AGO2: variants seen among roughly 807,000 people sequenced by gnomAD.
The protein encoded by AGO2 is argonaute RISC catalytic component 2.
AGO2 carries 5 observed loss-of-function variants against 102.3 expected under a neutral mutation model. The ratio of observed to expected loss-of-function variants is 0.05; its 90% confidence interval spans 0.03 to 0.10. AGO2 has a LOEUF of 0.10. AGO2 is among the 10% of genes least tolerant of loss of function. The pLI, the probability that AGO2 is intolerant of heterozygous loss-of-function variation, is 1.00. For missense variants in AGO2, 541 were observed against 1,183.7 expected (o/e 0.46, Z 7.97); for synonymous variants, 449 against 473.1 (o/e 0.95, Z 0.66).
intron 2 of AGO2, among the ~76,000 whole-genome samples, chr8:140,580,023 G>A (rs1466767052): frequency 6.6e-6 from 1 of 152,236 alleles, no homozygotes; most frequent in East Asian, 1.9e-4. Flanking sequence ...CCTCCTCGCA[G>A]CCCACCCGTG....
intron 2 of AGO2, among the ~76,000 whole-genome samples, chr8:140,575,230 A>G (rs1372484109): frequency 1.3e-5 from 2 of 151,378 alleles, no homozygotes; most frequent in Non-Finnish European, 2.9e-5. Flanking sequence ...GCCACGGCAC[A>G]ATCTCCCCTG....
At position 140,559,244 on chromosome 8, in the gene AGO2, C is replaced by G. The variant is rs1031069060; in HGVS notation, c.790+151G>C. The G allele has an allele frequency of 9.5e-6, 9 of 948,534 alleles. No homozygotes were observed. The South Asian group carries it at 1.3e-4, about 14-fold the overall frequency. The allele number at this position is 948,534 out of a possible 1,614,324, so 58.8% of individuals were successfully genotyped here. ...CCCGCTCTGGGAAATGGATCTAACT[C>G]ATCTCCATGCTACCTCATCTGATGG... On this transcript the variant is annotated intron_variant, in intron 6 of 18. Coordinates refer to ENST00000220592, the MANE Select transcript of AGO2 (RefSeq NM_012154.5).
At position 140,567,979 on chromosome 8, in the gene AGO2, G is replaced by A. The variant is rs1350871874; in HGVS notation, c.336+4833C>T. Among the ~76,000 whole-genome samples the A allele has an allele frequency of 6.6e-6, 1 of 151,920 alleles. No homozygotes were observed. Among genetic ancestry groups the A allele is most frequent in the Non-Finnish European group, 1.5e-5 (1 of 67,972 alleles). ...TGTCCCTACAAAAAGAAAATTAGTG[G>A]CGGGGCACAGTGGCTCACACCTGTA... On this transcript the variant is annotated intron_variant, in intron 3 of 18. Coordinates refer to ENST00000220592, the MANE Select transcript of AGO2 (RefSeq NM_012154.5). This position sits in a 1 kb window ranked among gnomAD's most constrained non-coding sequence, Gnocchi z 5.0.
intron 16 of AGO2, among the ~76,000 whole-genome samples, chr8:140,537,539 C>T (rs143173583): frequency 2.6e-5 from 4 of 152,230 alleles, no homozygotes; most frequent in Admixed American, 6.5e-5. Flanking sequence ...TGGACTAATA[C>T]GATCCACCTA....
chr8:140,564,285 G>T (rs759972576), intron 3 of AGO2, among the ~76,000 whole-genome samples: 2 of 152,026 alleles, frequency 1.3e-5, no homozygotes, highest in African/African-American at 4.8e-5. Context: ...TCAGGACAGC[G>T]GAGGGGGTGG....
chr8:140,601,883 G>A (rs927646962), intron 1 of AGO2, among the ~76,000 whole-genome samples: 4 of 152,136 alleles, frequency 2.6e-5, no homozygotes, highest in Admixed American at 1.3e-4. Context: ...GCAGGTCAGC[G>A]GCGGGCCAGC....
chr8:140,526,648 C>A lies in AGO2; in HGVS notation c.*5396G>T, dbSNP rs1181590010. 1.3e-5 allele frequency: 2 copies of A among 152,126 alleles called. No individual in the cohort carries two copies. Among genetic ancestry groups the A allele is most frequent in the African/African-American group, 2.4e-5 (1 of 41,406 alleles). 9.4% of individuals were successfully genotyped at this position (152,126 alleles called of 1,614,324 possible). On this transcript the variant is annotated 3_prime_UTR_variant, in exon 19 of 19. Transcript: ENST00000220592. This position sits in a 1 kb window ranked among gnomAD's most constrained non-coding sequence, Gnocchi z 5.2. Reference sequence around the variant, plus strand: ...GAATCTATTGAGAATTCAGAGGTAGCCTTTATCTGCATTTTTTTTTAAACT... The same window carrying A: ...GAATCTATTGAGAATTCAGAGGTAGACTTTATCTGCATTTTTTTTTAAACT...
chr8:140,545,904 T>TCATTCCCCAG (rs1441100801), intron 13 of AGO2, among the ~76,000 whole-genome samples: 1 of 152,162 alleles, frequency 6.6e-6, no homozygotes, highest in Admixed American at 6.5e-5. Context: ...GAGGGAGCCT[T>TCATTCCCCAG]CATTCCCCAG....
intron 17 of AGO2, among the ~76,000 whole-genome samples, chr8:140,533,172 A>G (rs976484196): frequency 4.1e-4 from 60 of 146,106 alleles, no homozygotes; most frequent in Non-Finnish European, 7.6e-4. Flanking sequence ...GGCAGATCAC[A>G]AGGTCAGGAG....
intron 2 of AGO2, among the ~76,000 whole-genome samples, chr8:140,579,811 G>A (rs536928457): frequency 1.2e-4 from 19 of 152,332 alleles, no homozygotes; most frequent in Non-Finnish European, 2.4e-4. Flanking sequence ...AACAGGCAGG[G>A]TCCACCTGCA....
rs2072454311 is a variant in AGO2, at chr8:140,523,747, T to C, written c.*8297A>G. On this transcript the variant is annotated 3_prime_UTR_variant, in exon 19 of 19. Coordinates refer to ENST00000220592, the MANE Select transcript of AGO2 (RefSeq NM_012154.5). Reference sequence around the variant, plus strand: ...TGAGTCACGCGTGTCTGTTTGGCTTTGAAGAGGAACTGGGATGGCAGCCAC... The same window carrying C: ...TGAGTCACGCGTGTCTGTTTGGCTTCGAAGAGGAACTGGGATGGCAGCCAC... The C allele has an allele frequency of 6.6e-6, 1 of 152,160 alleles. No homozygotes were observed. Among genetic ancestry groups the C allele is most frequent in the Non-Finnish European group, 1.5e-5 (1 of 68,036 alleles). 9.4% of individuals were successfully genotyped at this position (152,160 alleles called of 1,614,324 possible). A position where few individuals can be genotyped will look rare whatever the true frequency, so the allele number is the denominator to read the frequency against.
chr8:140,636,636 C>T (rs191127790), upstream of AGO2: 6 of 152,338 alleles, frequency 3.9e-5, no homozygotes, highest in East Asian at 1.9e-4. Context: ...AGGAGCTCCG[C>T]AGCCAGCAGG....
chr8:140,535,337 T>G, intron 17 of AGO2, 131 bp downstream of exon 17: 23 of 830,840 alleles, frequency 2.8e-5, no homozygotes, highest in Admixed American at 1.1e-4. Flanking sequence ...GGCTCCCCGG[T>G]TCCCTGGTAC....
At chr8:140,619,295 G>A (rs1266780216) in intron 1 of AGO2, among the ~76,000 whole-genome samples, 2 of 152,224 alleles carry the variant, frequency 1.3e-5, no homozygotes, top group Non-Finnish European at 2.9e-5. Flanking sequence ...AACAGGCACT[G>A]TAAGTACACC....
chr8:140,634,270 G>A (rs1176361044), intron 1 of AGO2, among the ~76,000 whole-genome samples: 1 of 152,292 alleles, frequency 6.6e-6, no homozygotes, highest in East Asian at 1.9e-4. Context: ...TCCAGCAGTG[G>A]GGGCCACCAT....
At chr8:140,640,157 T>C (rs1464142869), upstream of AGO2, among the ~76,000 whole-genome samples, 2 of 152,050 alleles carry the variant, frequency 1.3e-5, no homozygotes, top group African/African-American at 2.4e-5. Flanking sequence ...TACAGGCGCA[T>C]GCCACCACAC....
chr8:140,578,029 G>A (rs1338315014), intron 2 of AGO2, among the ~76,000 whole-genome samples: 1 of 152,230 alleles, frequency 6.6e-6, no homozygotes, highest in East Asian at 1.9e-4. Context: ...CGTGGAGTCG[G>A]CTGGCAGACA....
Position 140,520,184 on chromosome 8 carries a change from T to C in AGO2, c.*11860A>G, listed in dbSNP as rs1202798498. Reference sequence around the variant, plus strand: ...AAATAGGAGGACTTTTATTTAATTTTTTGCTGACATACTATGAGGCAAAAC... The same window carrying C: ...AAATAGGAGGACTTTTATTTAATTTCTTGCTGACATACTATGAGGCAAAAC... On this transcript the variant is annotated 3_prime_UTR_variant, in exon 19 of 19. Coordinates refer to ENST00000220592, the MANE Select transcript of AGO2 (RefSeq NM_012154.5). 7 of 152,200 alleles carry C rather than the reference T, an allele frequency of 4.6e-5. No homozygotes were observed. The East Asian group carries it at 1.2e-3, about 25-fold the overall frequency. The allele number at this position is 152,200 out of a possible 1,614,324, so 9.4% of individuals were successfully genotyped here. A position where few individuals can be genotyped will look rare whatever the true frequency, so the allele number is the denominator to read the frequency against.
intron 2 of AGO2, among the ~76,000 whole-genome samples, chr8:140,582,008 T>C (rs2073565801): frequency 6.6e-6 from 1 of 152,302 alleles, no homozygotes; most frequent in South Asian, 2.1e-4. Flanking sequence ...CCATTTATAA[T>C]AGCATCCAAG....
Sources: gnomAD v4.1 joint callset for allele counts (sites outside exome capture counted in the v4.1 genomes callset) on GRCh38, gnomAD v4.1.1 for gene constraint, Gnocchi (gnomAD v3.1) non-coding constraint, MANE v1.5 for transcripts, NCBI Gene and HGNC (gene_info 2026-07-23, HGNC 2026-07-21) for gene names.